JAZF1: variants seen among roughly 807,000 people sequenced by gnomAD.
The protein encoded by JAZF1 is JAZF zinc finger 1, also known as juxtaposed with another zinc finger protein 1.
A neutral mutation model predicts 26.4 loss-of-function variants in JAZF1; 8 were observed. The observed-to-expected ratio is 0.30, with a 90% CI of 0.18 to 0.55. The LOEUF (loss-of-function observed/expected upper bound fraction) is 0.55, where lower values mean the gene tolerates loss of function less well. Among genes scored for constraint, JAZF1 ranks in the 20% least tolerant of loss-of-function variants. The probability of loss-of-function intolerance (pLI) is 0.94; values close to 1 mark genes in which losing one functional copy is unlikely to be tolerated. For missense variants in JAZF1, 199 were observed against 322.0 expected (o/e 0.62, Z 2.92); for synonymous variants, 126 against 122.3 (o/e 1.03, Z -0.20).
intron 2 of JAZF1, among the ~76,000 whole-genome samples, chr7:27,925,979 G>A (rs1375010654): frequency 6.6e-6 from 1 of 152,202 alleles, no homozygotes; most frequent in Non-Finnish European, 1.5e-5. Context: ...GGTATGCAGA[G>A]CTGAATACTT....
chr7:28,092,382 G>C (rs1302865366), intron 1 of JAZF1, among the ~76,000 whole-genome samples: 1 of 131,846 alleles, frequency 7.6e-6, no homozygotes, highest in East Asian at 2.2e-4. Context: ...TTTTAGAAAT[G>C]ACAGCTCCTT....
intron 2 of JAZF1, among the ~76,000 whole-genome samples, chr7:27,989,372 G>A (rs1785844317): frequency 6.6e-6 from 1 of 152,174 alleles, no homozygotes; most frequent in Admixed American, 6.5e-5. Flanking sequence ...TCAGGCCATA[G>A]GCATGGACAA....
chr7:28,163,101 TA>T (rs1399306960), intron 1 of JAZF1, among the ~76,000 whole-genome samples: 4 of 152,224 alleles, frequency 2.6e-5, no homozygotes, highest in Non-Finnish European at 5.9e-5. Context: ...TTATACCAGA[TA>T]ATAACAAAAG....
chr7:27,846,351 G>A (rs11760937), intron 3 of JAZF1, among the ~76,000 whole-genome samples: 26,583 of 102,436 alleles, frequency 0.26, 3,825 homozygotes, highest in African/African-American at 0.43. Context: ...ATATATACAC[G>A]TATACGTGTA....
At chr7:27,874,029 G>A (rs1783630319) in intron 3 of JAZF1, among the ~76,000 whole-genome samples, 1 of 152,216 alleles carries the variant, frequency 6.6e-6, no homozygotes, top group Admixed American at 6.5e-5. Context: ...CCTTGGTCAG[G>A]CCAAGAAGGA....
At position 27,862,307 on chromosome 7, in the gene JAZF1, G is replaced by C. The variant is rs906725289; in HGVS notation, c.386-21440C>G. On this transcript the variant is annotated intron_variant, in intron 3 of 4. Transcript: ENST00000283928. ...GGGTACAATTGATCCCATCACCCAG[G>C]TCCTGGGCATGGTAATCAATAGTTA... 4.6e-5 allele frequency among the ~76,000 whole-genome samples: 7 copies of C among 152,160 alleles called. 1 individual carries two copies. Among genetic ancestry groups the C allele is most frequent in the African/African-American group, 1.7e-4 (7 of 41,490 alleles).
chr7:27,998,076 AGGC>A (rs1786058664), intron 1 of JAZF1, among the ~76,000 whole-genome samples: 1 of 149,918 alleles, frequency 6.7e-6, no homozygotes, highest in South Asian at 2.1e-4. Context: ...GAAGGAAGGC[AGGC>A]AGGCAGGCAG....
rs1782892609 is a variant in JAZF1 at position 27,840,042 on chromosome 7, C to T, written c.555+656G>A. Among the ~76,000 whole-genome samples the T allele has an allele frequency of 6.6e-6, 1 of 152,068 alleles. No individual in the cohort carries two copies. The highest frequency in any genetic ancestry group is 2.1e-4 in the South Asian group (1 of 4,818). ...TTGTGCTGTTTCTCGTTGTTTTGTC[C>T]CTGTTCCTTATTAGAAAAGTTAGCA... On this transcript the variant is annotated intron_variant, in intron 4 of 4. Transcript: ENST00000283928. The surrounding 1 kb of genome is among the most constrained non-coding windows in gnomAD (Gnocchi z 5.1).
At chr7:28,149,168 G>T (rs1414747858) in intron 1 of JAZF1, among the ~76,000 whole-genome samples, 2 of 152,180 alleles carry the variant, frequency 1.3e-5, no homozygotes, top group East Asian at 3.9e-4. Flanking sequence ...AGGCTGGGCT[G>T]CAGAGCCTGT....
At chr7:27,942,943 G>A (rs1296548379) in intron 2 of JAZF1, among the ~76,000 whole-genome samples, 3 of 152,206 alleles carry the variant, frequency 2.0e-5, no homozygotes, top group Admixed American at 6.5e-5. Context: ...TTGGTCACAT[G>A]ACCTCAAGCG....
intron 1 of JAZF1, among the ~76,000 whole-genome samples, chr7:27,994,628 T>C (rs1167827843): frequency 1.3e-5 from 2 of 152,194 alleles, no homozygotes; most frequent in Admixed American, 1.3e-4. Flanking sequence ...GGGCAACCTT[T>C]AGAATATCCA....
At chr7:27,854,716 T>C (rs1783212070) in intron 3 of JAZF1, among the ~76,000 whole-genome samples, 1 of 152,236 alleles carries the variant, frequency 6.6e-6, no homozygotes, top group Admixed American at 6.5e-5. Flanking sequence ...TTCTGGCTTG[T>C]ATGGTTTCTG....
chr7:27,832,989 C>CAA lies in JAZF1; in HGVS notation c.556-15_556-14dup. On this transcript the variant is annotated splice_polypyrimidine_tract_variant and intron_variant, in intron 4 of 4. Transcript: ENST00000283928. ...TGCCATTCACATTCTGTGGAGAAGA[C>CAA]AAAAATATTTATTACATGGATTCAC... is the stretch of plus-strand genomic sequence containing the variant. The CAA allele has an allele frequency of 6.5e-7, 1 of 1,539,800 alleles. No individual in the cohort carries two copies. Among genetic ancestry groups the CAA allele is most frequent in the Non-Finnish European group, 8.8e-7 (1 of 1,139,350 alleles).
intron 3 of JAZF1, among the ~76,000 whole-genome samples, chr7:27,873,366 C>G (rs1409876415): frequency 6.6e-6 from 1 of 152,180 alleles, no homozygotes; most frequent in Non-Finnish European, 1.5e-5. Flanking sequence ...TTAAAAGTGG[C>G]TCCACTGCCA....
At chr7:27,837,205 C>A (rs1481488676) in intron 4 of JAZF1, among the ~76,000 whole-genome samples, 1 of 152,234 alleles carries the variant, frequency 6.6e-6, no homozygotes, top group East Asian at 1.9e-4. Context: ...CCTTAATCCT[C>A]ACCATTCTAA....
At chr7:28,150,150 G>T (rs1048065468) in intron 1 of JAZF1, among the ~76,000 whole-genome samples, 1 of 152,162 alleles carries the variant, frequency 6.6e-6, no homozygotes, top group African/African-American at 2.4e-5. Flanking sequence ...CATCTTGCCC[G>T]GTGGGGAGGC....
intron 1 of JAZF1, among the ~76,000 whole-genome samples, chr7:28,032,149 T>C (rs1439237846): frequency 6.6e-6 from 1 of 152,220 alleles, no homozygotes; most frequent in Non-Finnish European, 1.5e-5. Context: ...GAAGTTCATC[T>C]TGTATATGTA....
intron 1 of JAZF1, among the ~76,000 whole-genome samples, chr7:28,006,757 C>T (rs17156148): frequency 0.046 from 7,060 of 152,208 alleles, 264 homozygotes; most frequent in African/African-American, 0.097. Context: ...ACATTTGCTG[C>T]TTCCCCTGAG....
chr7:28,123,432 C>G (rs1455660722), intron 1 of JAZF1, among the ~76,000 whole-genome samples: 1 of 152,186 alleles, frequency 6.6e-6, no homozygotes, highest in Non-Finnish European at 1.5e-5. Flanking sequence ...AGTCTATTTC[C>G]CCACTAGACT....
Sources: allele counts gnomAD v4.1 joint callset (sites outside exome capture counted in the v4.1 genomes callset), GRCh38; gene constraint gnomAD v4.1.1; non-coding constraint Gnocchi (gnomAD v3.1); transcripts MANE v1.5; gene names NCBI Gene and HGNC (gene_info 2026-07-23, HGNC 2026-07-21).